PPP1R16B: variants seen among roughly 807,000 people sequenced by gnomAD.
PPP1R16B encodes the protein protein phosphatase 1 regulatory subunit 16B.
In PPP1R16B, 14 loss-of-function variants were observed where a neutral mutation model predicts 61.7. The observed-to-expected ratio is 0.23, with a 90% confidence interval of 0.15 to 0.35. PPP1R16B has a LOEUF of 0.35. Among genes scored for constraint, PPP1R16B ranks in the 10% least tolerant of loss-of-function variants. The pLI is 1.00. For missense variants in PPP1R16B, 547 were observed against 752.5 expected (o/e 0.73, Z 3.19); for synonymous variants, 266 against 305.3 (o/e 0.87, Z 1.34).
intron 10 of PPP1R16B, among the ~76,000 whole-genome samples, chr20:38,912,370 A>T (rs1345867298): frequency 6.6e-6 from 1 of 152,020 alleles, no homozygotes; most frequent in African/African-American, 2.4e-5. Flanking sequence ...AACTTGTTAG[A>T]AATGCAGACT....
In PPP1R16B at chr20:38,895,887, TTCCCTCCCTCC is replaced by T. The variant is rs2085335166; in HGVS notation, c.467+178_467+188del. On this transcript the variant is annotated intron_variant, in intron 4 of 10. Transcript: ENST00000299824. ...CCCTCCCTCCCTCCTTCCTTCTTTC[TTCCCTCCCTCC>T]CTCCTTCCTTCTTTCTTCCCTCCCT... Among the ~76,000 whole-genome samples, 6 of 98,488 alleles carry T rather than the reference TTCCCTCCCTCC, an allele frequency of 6.1e-5. 1 individual carries two copies. Among genetic ancestry groups the T allele is most frequent in the African/African-American group, 2.0e-4 (4 of 20,120 alleles). 64.6% of individuals were successfully genotyped at this position (98,488 alleles called of 152,430 possible).
chr20:38,917,086 C>T (rs2085547734), intron 10 of PPP1R16B, among the ~76,000 whole-genome samples: 1 of 151,980 alleles, frequency 6.6e-6, no homozygotes, highest in Admixed American at 6.6e-5. Flanking sequence ...CACTTGAGGC[C>T]AGGAGTTCAA....
At chr20:38,818,049 CAA>C (rs1172764102) in intron 1 of PPP1R16B, among the ~76,000 whole-genome samples, 1 of 152,038 alleles carries the variant, frequency 6.6e-6, no homozygotes, top group Non-Finnish European at 1.5e-5. Flanking sequence ...GTCTCAAAAA[CAA>C]AACAAAACAA....
intron 2 of PPP1R16B, among the ~76,000 whole-genome samples, chr20:38,856,285 T>A (rs2085008427): frequency 6.6e-6 from 1 of 151,788 alleles, no homozygotes; most frequent in Admixed American, 6.6e-5. Flanking sequence ...GTTACTGCAG[T>A]GGGGCAACAG....
At chr20:38,884,987 A>G (rs943498956) in intron 2 of PPP1R16B, among the ~76,000 whole-genome samples, 5 of 143,924 alleles carry the variant, frequency 3.5e-5, no homozygotes, top group African/African-American at 5.1e-5. Context: ...AGAAGAGCCG[A>G]GATCGCACCA....
chr20:38,911,839 C>T lies in PPP1R16B; in HGVS notation c.1194+3646C>T, dbSNP rs548764405. On this transcript the variant is annotated intron_variant, in intron 10 of 10. Transcript: ENST00000299824. ...GGGGTCAGCCACTGCTCCTGGCCTC[C>T]ATTCTCCTTTTGGTGGACATTTGGG... Among the ~76,000 whole-genome samples the T allele has an allele frequency of 6.6e-5, 10 of 152,278 alleles. 1 individual carries two copies. The highest frequency in any genetic ancestry group is 2.4e-4 in the African/African-American group (10 of 41,572).
intron 1 of PPP1R16B, among the ~76,000 whole-genome samples, chr20:38,824,292 G>A (rs1010624540): frequency 1.2e-4 from 19 of 152,172 alleles, no homozygotes; most frequent in Non-Finnish European, 4.4e-5. Context: ...CATTAAGCAT[G>A]TTTTACTCTA....
At chr20:38,904,927 G>A (rs2085426830) in intron 6 of PPP1R16B, among the ~76,000 whole-genome samples, 1 of 152,114 alleles carries the variant, frequency 6.6e-6, no homozygotes, top group African/African-American at 2.4e-5. Flanking sequence ...CATTCTCATG[G>A]TCATCATTTA....
At chr20:38,835,188 T>C (rs1212454265) in intron 1 of PPP1R16B, among the ~76,000 whole-genome samples, 1 of 152,256 alleles carries the variant, frequency 6.6e-6, no homozygotes, top group Non-Finnish European at 1.5e-5. Flanking sequence ...TCTTGTCCTG[T>C]CTGTCCCATC....
chr20:38,905,825 C>A, intron 6 of PPP1R16B, 144 bp from the exon 7 acceptor site: 1 of 795,440 alleles, frequency 1.3e-6, no homozygotes, highest in Non-Finnish European at 1.9e-6. Context: ...TAATCCTCTG[C>A]AATGTGACTG....
intron 2 of PPP1R16B, among the ~76,000 whole-genome samples, chr20:38,856,240 G>GT (rs2085008235): frequency 6.6e-6 from 1 of 151,972 alleles, no homozygotes; most frequent in Admixed American, 6.6e-5. Flanking sequence ...GAATGGGAGA[G>GT]TAACTTGATG....
chr20:38,857,655 T>G (rs1601260978), intron 2 of PPP1R16B, among the ~76,000 whole-genome samples: 2 of 152,294 alleles, frequency 1.3e-5, no homozygotes, highest in Admixed American at 1.3e-4. Context: ...AATATATATT[T>G]AAAGCCCACA....
chr20:38,918,804 C>G lies in PPP1R16B; in HGVS notation c.*138C>G. 1 of 1,055,698 alleles carries G rather than the reference C, an allele frequency of 9.5e-7. No homozygotes were observed. Among genetic ancestry groups the G allele is most frequent in the African/African-American group, 1.6e-5 (1 of 62,144 alleles). 65.4% of individuals were successfully genotyped at this position (1,055,698 alleles called of 1,614,324 possible). A position where few individuals can be genotyped will look rare whatever the true frequency, so the allele number is the denominator to read the frequency against. On this transcript the variant is annotated 3_prime_UTR_variant, in exon 11 of 11. Transcript: ENST00000299824. The surrounding 1 kb of genome is among the most constrained non-coding windows in gnomAD (Gnocchi z 5.3). ...TTTTCAGAGGAACTCAGACCCCAGC[C>G]CTCAGCTGGCTGCCCATAGCATCCC...
At chr20:38,835,471 C>T (rs971754438) in intron 1 of PPP1R16B, among the ~76,000 whole-genome samples, 2 of 152,250 alleles carry the variant, frequency 1.3e-5, no homozygotes, top group African/African-American at 4.8e-5. Flanking sequence ...ACCAAGCTAT[C>T]CAATAGAGCT....
chr20:38,885,977 T>C (rs988133185), intron 2 of PPP1R16B, among the ~76,000 whole-genome samples: 4 of 152,202 alleles, frequency 2.6e-5, no homozygotes, highest in Non-Finnish European at 5.9e-5. Context: ...GGTTTCGCCA[T>C]GTTGGCCAGG....
chr20:38,868,904 A>G (rs2085107669), intron 2 of PPP1R16B, among the ~76,000 whole-genome samples: 1 of 152,220 alleles, frequency 6.6e-6, no homozygotes, highest in African/African-American at 2.4e-5. Flanking sequence ...AAAATATATC[A>G]TTAAAATATC....
At position 38,895,569 on chromosome 20, in the gene PPP1R16B, G is replaced by T; in HGVS notation, c.326G>T (p.Cys109Phe). The T allele has an allele frequency of 6.2e-7, 1 of 1,613,744 alleles. No individual in the cohort carries two copies. The highest frequency in any genetic ancestry group is 1.1e-5 in the South Asian group (1 of 91,056). The change falls in exon 4 of 11, where the codon TGC becomes TTC. Residue 109 changes from cysteine (C) to phenylalanine (F), a missense_variant. Physicochemically the swap from Cys to Phe is radical, Grantham distance 205 (BLOSUM62 -2). Coordinates refer to ENST00000299824, the MANE Select transcript of PPP1R16B (RefSeq NM_015568.4). ...CTGCCTGTGTGTCTCTCCCAGTGCT[G>T]CATCGACAACTTTGAGGAAATTGTG... is the stretch of plus-strand genomic sequence containing the variant. ...EDGLTALHQC[C>F]IDNFEEIVKL...
At chr20:38,824,562 G>A (rs1418634662) in intron 1 of PPP1R16B, among the ~76,000 whole-genome samples, 1 of 152,210 alleles carries the variant, frequency 6.6e-6, no homozygotes, top group Non-Finnish European at 1.5e-5. Flanking sequence ...CACTGGCTAT[G>A]CACTTAATTG....
intron 2 of PPP1R16B, among the ~76,000 whole-genome samples, chr20:38,878,636 A>C (rs2085184758): frequency 6.6e-6 from 1 of 152,204 alleles, no homozygotes; most frequent in East Asian, 1.9e-4. Context: ...AATAGCACCT[A>C]AGTCATGTGG....
Sources: gnomAD v4.1 joint callset for allele counts (sites outside exome capture counted in the v4.1 genomes callset) on GRCh38, gnomAD v4.1.1 for gene constraint, Gnocchi (gnomAD v3.1) non-coding constraint, MANE v1.5 for transcripts, NCBI Gene and HGNC (gene_info 2026-07-23, HGNC 2026-07-21) for gene names.